The following GNAS-AS1 variants were observed in gnomAD, a reference collection of about 807,000 sequenced individuals.
GNAS-AS1 encodes the protein GNAS antisense RNA 1.
intron 2 of GNAS-AS1, among the ~76,000 whole-genome samples, chr20:58,848,579 G>A (rs748605883): frequency 2.0e-5 from 3 of 152,140 alleles, no homozygotes; most frequent in Admixed American, 6.5e-5. Context: ...GGCCCCAGAC[G>A]ATGCTGCCCA....
intron 4 of GNAS-AS1, among the ~76,000 whole-genome samples, chr20:58,833,020 C>G (rs1444856754): frequency 3.3e-5 from 5 of 152,238 alleles, no homozygotes; most frequent in Non-Finnish European, 7.3e-5. Flanking sequence ...TGCCAGGGAC[C>G]CTGCACCATC....
At chr20:58,835,592 A>G (rs762649280) in intron 4 of GNAS-AS1, among the ~76,000 whole-genome samples, 17 of 152,158 alleles carry the variant, frequency 1.1e-4, no homozygotes, top group Non-Finnish European at 1.9e-4. Flanking sequence ...CAGTTACTCA[A>G]CTTCCCTCCC....
At chr20:58,826,740 AG>A (rs1272865825) in intron 4 of GNAS-AS1, 2 of 151,676 alleles carry the variant, frequency 1.3e-5, no homozygotes, top group African/African-American at 4.9e-5. Context: ...TTTTTTAGAC[AG>A]AGTCTCACTC....
intron 4 of GNAS-AS1, among the ~76,000 whole-genome samples, chr20:58,837,467 C>G (rs138488725): frequency 6.6e-6 from 1 of 152,342 alleles, no homozygotes; most frequent in Non-Finnish European, 1.5e-5. Context: ...CAGGGCACAA[C>G]TGGAACATAG....
Position 58,840,555 on chromosome 20 carries a change from C to T in GNAS-AS1, n.819+1382G>A. 6.2e-7 allele frequency: 1 copy of T among 1,613,262 alleles called. No homozygotes were observed. The highest frequency in any genetic ancestry group is 8.5e-7 in the Non-Finnish European group (1 of 1,179,962). On this transcript the variant is annotated intron_variant and non_coding_transcript_variant, in intron 4 of 4. Coordinates refer to ENST00000424094, the Ensembl canonical transcript of GNAS-AS1. The surrounding 1 kb of genome is among the most constrained non-coding windows in gnomAD (Gnocchi z 6.0). ...GAAGACGATCGCGGCCCGGTGGTGC[C>T]CAAGCACTCCACCTTCGGCCAGTCC...
chr20:58,843,762 T>A (rs1035387174), intron 2 of GNAS-AS1, among the ~76,000 whole-genome samples: 1 of 152,184 alleles, frequency 6.6e-6, no homozygotes, highest in Admixed American at 6.5e-5. Flanking sequence ...TTTGCTTTTG[T>A]GGGGGAGGGG....
At position 58,841,780 on chromosome 20, in the gene GNAS-AS1, G is replaced by C; in HGVS notation, n.819+157C>G. 1 of 1,230,498 alleles carries C rather than the reference G, an allele frequency of 8.1e-7. No individual in the cohort carries two copies. Among genetic ancestry groups the C allele is most frequent in the Non-Finnish European group, 1.0e-6 (1 of 987,686 alleles). 76.2% of individuals were successfully genotyped at this position (1,230,498 alleles called of 1,614,324 possible). On this transcript the variant is annotated intron_variant and non_coding_transcript_variant, in intron 4 of 4. Transcript: ENST00000424094. The surrounding 1 kb of genome is among the most constrained non-coding windows in gnomAD (Gnocchi z 5.0). ...GTATTGCCAAGCTTTTGGCGCAGCT[G>C]GTCGGGTGGCCAGGCTGCATGCGGC...
At chr20:58,823,376 A>T (rs942594722) in intron 4 of GNAS-AS1, among the ~76,000 whole-genome samples, 10 of 152,190 alleles carry the variant, frequency 6.6e-5, no homozygotes, top group African/African-American at 2.2e-4. Context: ...CAAATGGGTC[A>T]TCAGTGCGAG....
chr20:58,824,167 T>C (rs2085504950), intron 4 of GNAS-AS1: 1 of 398,044 alleles, frequency 2.5e-6, no homozygotes, highest in South Asian at 1.3e-4. Context: ...CTGCCAGGGG[T>C]GAAACACTAT....
At chr20:58,849,715 G>A (rs1438968567) in intron 1 of GNAS-AS1, among the ~76,000 whole-genome samples, 1 of 152,160 alleles carries the variant, frequency 6.6e-6, no homozygotes, top group East Asian at 1.9e-4. Context: ...CATAAGAGCT[G>A]CTCCAGGAGG....
In GNAS-AS1 at chr20:58,840,655, G is replaced by A. The variant is rs1254682477; in HGVS notation, n.819+1282C>T. ...CAAGTCGCGCGCCGCCCAGCACTCA[G>A]GAGCCCCAGAGCCCCAGGGAAGGGG... is the stretch of plus-strand genomic sequence containing the variant. On this transcript the variant is annotated intron_variant and non_coding_transcript_variant, in intron 4 of 4. Transcript: ENST00000424094. The surrounding 1 kb of genome is among the most constrained non-coding windows in gnomAD (Gnocchi z 6.0). 9.3e-6 allele frequency: 15 copies of A among 1,606,068 alleles called. No homozygotes were observed. Among genetic ancestry groups the A allele is most frequent in the Admixed American group, 1.7e-5 (1 of 59,846 alleles).
intron 4 of GNAS-AS1, among the ~76,000 whole-genome samples, chr20:58,832,019 A>C (rs2085571679): frequency 6.6e-6 from 1 of 152,196 alleles, no homozygotes; most frequent in Non-Finnish European, 1.5e-5. Flanking sequence ...AGTCTCTTCT[A>C]CCAAATCCTC....
At chr20:58,820,350 G>A (rs772002723) in intron 4 of GNAS-AS1, among the ~76,000 whole-genome samples, 11 of 152,232 alleles carry the variant, frequency 7.2e-5, no homozygotes, top group South Asian at 4.1e-4. Context: ...CCAGGTAGAC[G>A]AAGGGAGGGA....
chr20:58,838,960 G>C (rs960589935), intron 4 of GNAS-AS1: 33 of 388,460 alleles, frequency 8.5e-5, no homozygotes, highest in Non-Finnish European at 1.4e-4. Flanking sequence ...GGAAATGGCT[G>C]TAAGGGGCCT....
At chr20:58,850,535 A>G in exon 1 of GNAS-AS1, 1 of 398,584 alleles carries the variant, frequency 2.5e-6, no homozygotes, top group Non-Finnish European at 4.4e-6. Flanking sequence ...CTGACCTTCC[A>G]CTTGTGCAGG....
intron 4 of GNAS-AS1, among the ~76,000 whole-genome samples, chr20:58,821,868 C>A (rs1385898024): frequency 1.3e-5 from 2 of 152,216 alleles, no homozygotes; most frequent in Non-Finnish European, 2.9e-5. Flanking sequence ...CTGAGGCCCA[C>A]AACAGCCCCA....
At position 58,842,117 on chromosome 20, in the gene GNAS-AS1, C is replaced by T. The variant is rs769654457; in HGVS notation, n.639G>A. 18 of 399,642 alleles carry T rather than the reference C, an allele frequency of 4.5e-5. No individual in the cohort carries two copies. In the South Asian group the frequency reaches 5.1e-4, roughly 11 times the overall value. 24.8% of individuals were successfully genotyped at this position (399,642 alleles called of 1,614,324 possible). On this transcript the variant is annotated non_coding_transcript_exon_variant, in exon 4 of 5. Coordinates refer to ENST00000424094, the Ensembl canonical transcript of GNAS-AS1. ...CAGCACGGGTAGAGTTAAGTTTAAT[C>T]TGTAACCTGGAGGGGAATCTGCTCT... is the stretch of plus-strand genomic sequence containing the variant.
intron 4 of GNAS-AS1, among the ~76,000 whole-genome samples, chr20:58,836,007 C>T (rs1281792020): frequency 6.6e-6 from 1 of 152,174 alleles, no homozygotes; most frequent in African/African-American, 2.4e-5. Context: ...GCCACCCCAA[C>T]ACTCCTTCCT....
At chr20:58,832,962 G>A (rs1458142335) in intron 4 of GNAS-AS1, among the ~76,000 whole-genome samples, 8 of 152,224 alleles carry the variant, frequency 5.3e-5, no homozygotes, top group Non-Finnish European at 7.3e-5. Context: ...GTGAGTGTGA[G>A]TGTGTGACAC....
Sources: allele counts gnomAD v4.1 joint callset (sites outside exome capture counted in the v4.1 genomes callset), GRCh38; gene constraint gnomAD v4.1.1; non-coding constraint Gnocchi (gnomAD v3.1); transcripts MANE v1.5; gene names NCBI Gene and HGNC (gene_info 2026-07-23, HGNC 2026-07-21).